MDFI: variants seen among roughly 807,000 people sequenced by gnomAD.
The protein encoded by MDFI is inhibitor of MyoD family a.
In MDFI, 16 loss-of-function variants were observed where a neutral mutation model predicts 22.3. The ratio of observed to expected loss-of-function variants is 0.72; its 90% CI spans 0.49 to 1.09. The LOEUF (loss-of-function observed/expected upper bound fraction) is 1.09. Ranked by LOEUF, MDFI falls within the 50% of genes least tolerant of loss-of-function variation. MDFI has a pLI of 0.00. For synonymous variants in MDFI, 145 were observed against 142.7 expected (o/e 1.02, Z -0.12); for missense variants, 314 against 326.1 (o/e 0.96, Z 0.29).
chr6:41,649,221 C>G (rs1416435581), intron 3 of MDFI, among the ~76,000 whole-genome samples: 1 of 152,252 alleles, frequency 6.6e-6, no homozygotes, highest in Non-Finnish European at 1.5e-5. Context: ...AACTTCTTCA[C>G]TGCTGCGCTC....
At chr6:41,646,407 C>A in intron 3 of MDFI, 99 bp downstream of exon 3, 3 of 1,114,664 alleles carry the variant, frequency 2.7e-6, no homozygotes, top group Non-Finnish European at 3.6e-6. Context: ...ACCCGCTTGG[C>A]CAGAACCTTG....
chr6:41,646,921 T>C (rs937609756), intron 3 of MDFI, among the ~76,000 whole-genome samples: 1 of 152,188 alleles, frequency 6.6e-6, no homozygotes, highest in African/African-American at 2.4e-5. Flanking sequence ...CAGCCTGCAA[T>C]GAGGCAGCAG....
chr6:41,643,576 A>AG (rs1767936196), intron 2 of MDFI, among the ~76,000 whole-genome samples: 1 of 73,436 alleles, frequency 1.4e-5, no homozygotes, highest in Non-Finnish European at 2.5e-5. Flanking sequence ...GAAGGAAGGA[A>AG]GGAGGGAGGG....
Position 41,653,932 on chromosome 6 carries a change from G to A in MDFI, c.*357G>A, listed in dbSNP as rs560286172. On this transcript the variant is annotated 3_prime_UTR_variant, in exon 5 of 5. Coordinates refer to ENST00000230321, the MANE Select transcript of MDFI (RefSeq NM_005586.4). The surrounding 1 kb of genome is among the most constrained non-coding windows in gnomAD (Gnocchi z 4.2). ...ACACTGTGAAAGTTACTTGGGGAGG[G>A]TGGGCCGGTGGGGCCGTAGCTCTCT... 2.8e-5 allele frequency: 9 copies of A among 321,114 alleles called. No individual in the cohort carries two copies. The South Asian group carries it at 3.5e-4, about 12-fold the overall frequency. The allele number at this position is 321,114 out of a possible 1,614,324, so 19.9% of individuals were successfully genotyped here. A position where few individuals can be genotyped will look rare whatever the true frequency, so the allele number is the denominator to read the frequency against.
At chr6:41,646,719 C>T (rs1396063152) in intron 3 of MDFI, among the ~76,000 whole-genome samples, 1 of 152,216 alleles carries the variant, frequency 6.6e-6, no homozygotes, top group Non-Finnish European at 1.5e-5. Flanking sequence ...AATTCAGCTC[C>T]ATTCCCAGGC....
chr6:41,643,576 A>AGGAAGGAGGGAGGGAGGGAGGGAGGGAG (rs1431824421), intron 2 of MDFI, among the ~76,000 whole-genome samples: 1 of 73,412 alleles, frequency 1.4e-5, no homozygotes, highest in African/African-American at 6.6e-5. Flanking sequence ...GAAGGAAGGA[A>AGGAAGGAGGGAGGGAGGGAGGGAGGGAG]GGAGGGAGGG....
At chr6:41,639,094 ACACAAAC>A in intron 2 of MDFI, 3 of 466,886 alleles carry the variant, frequency 6.4e-6, no homozygotes, top group Non-Finnish European at 8.2e-6. Flanking sequence ...ACACACACAC[ACACAAAC>A]ACACACACAT....
At chr6:41,648,189 C>G (rs1356130598) in intron 3 of MDFI, among the ~76,000 whole-genome samples, 1 of 152,154 alleles carries the variant, frequency 6.6e-6, no homozygotes, top group Non-Finnish European at 1.5e-5. Flanking sequence ...CCTCTGCCCC[C>G]ATGCTGGCCT....
intron 2 of MDFI, among the ~76,000 whole-genome samples, chr6:41,641,102 G>A (rs1767837597): frequency 6.6e-6 from 1 of 152,170 alleles, no homozygotes; most frequent in African/African-American, 2.4e-5. Context: ...TGGGGTTCAG[G>A]TCCAGGTGCC....
At chr6:41,640,003 C>A (rs2127425760) in intron 2 of MDFI, 1 of 866,574 alleles carries the variant, frequency 1.2e-6, no homozygotes, top group Non-Finnish European at 1.4e-6. Flanking sequence ...ACAGCCAGCA[C>A]ATAGATGAGG....
chr6:41,648,440 A>G (rs901583667), intron 3 of MDFI, among the ~76,000 whole-genome samples: 1 of 152,190 alleles, frequency 6.6e-6, no homozygotes, highest in African/African-American at 2.4e-5. Flanking sequence ...CAATGTTGTG[A>G]CTGCTGCCAT....
rs940064262 is a variant in MDFI, at chr6:41,653,765, C to T, written c.*190C>T. ...GGGGGGCACTCAGAGGGGCCACCTC[C>T]TCAGCCGTGGGTGGTGGGCCCATGG... On this transcript the variant is annotated 3_prime_UTR_variant, in exon 5 of 5. Coordinates refer to ENST00000230321, the MANE Select transcript of MDFI (RefSeq NM_005586.4). This position sits in a 1 kb window ranked among gnomAD's most constrained non-coding sequence, Gnocchi z 4.2. 434 of 692,270 alleles carry T rather than the reference C, an allele frequency of 6.3e-4. 1 individual carries two copies. The highest frequency in any genetic ancestry group is 3.4e-4 in the Admixed American group (12 of 34,804). 42.9% of individuals were successfully genotyped at this position (692,270 alleles called of 1,614,324 possible).
Position 41,638,813 on chromosome 6 carries a change from G to T in MDFI, c.64G>T (p.Ala22Ser), listed in dbSNP as rs1767732324. ...CDAPYGAPSA[A>S]PGPAQTLSLL... Reference sequence around the variant, plus strand: ...CGCGCCCTATGGAGCCCCCAGCGCAGCCCCGGGCCCAGGTAGGACCGGGAG... The same window carrying T: ...CGCGCCCTATGGAGCCCCCAGCGCATCCCCGGGCCCAGGTAGGACCGGGAG... The change falls in exon 2 of 5, where the codon GCC becomes TCC. Residue 22 changes from alanine to serine, a missense_variant. Ala to Ser is a moderately conservative substitution (Grantham distance 99). Coordinates refer to ENST00000230321, the MANE Select transcript of MDFI (RefSeq NM_005586.4). This position sits in a 1 kb window ranked among gnomAD's most constrained non-coding sequence, Gnocchi z 7.6. 1 of 1,559,900 alleles carries T rather than the reference G, an allele frequency of 6.4e-7. No individual in the cohort carries two copies. The highest frequency in any genetic ancestry group is 8.6e-7 in the Non-Finnish European group (1 of 1,159,130).
Position 41,653,700 on chromosome 6 carries a change from C to A in MDFI, c.*125C>A. 2 of 1,235,056 alleles carry A rather than the reference C, an allele frequency of 1.6e-6. No homozygotes were observed. The highest frequency in any genetic ancestry group is 2.2e-6 in the Non-Finnish European group (2 of 891,224). 76.5% of individuals were successfully genotyped at this position (1,235,056 alleles called of 1,614,324 possible). A position where few individuals can be genotyped will look rare whatever the true frequency, so the allele number is the denominator to read the frequency against. On this transcript the variant is annotated 3_prime_UTR_variant, in exon 5 of 5. Coordinates refer to ENST00000230321, the MANE Select transcript of MDFI (RefSeq NM_005586.4). The surrounding 1 kb of genome is among the most constrained non-coding windows in gnomAD (Gnocchi z 4.2). ...GCCCCCTCTCCCTGGTCCTCTCCTA[C>A]CCACCCATGTCCTCTCAGAACCCCA...
intron 2 of MDFI, chr6:41,639,383 G>A (rs1226333751): frequency 1.0e-6 from 1 of 985,068 alleles, no homozygotes; most frequent in Non-Finnish European, 1.2e-6. Context: ...CCCCTGCCCT[G>A]TGCACACACA....
At chr6:41,637,564 C>T (rs1228413974), upstream of MDFI, among the ~76,000 whole-genome samples, 3 of 152,214 alleles carry the variant, frequency 2.0e-5, no homozygotes, top group East Asian at 3.9e-4. The surrounding 1 kb of genome is among the most constrained non-coding windows in gnomAD (Gnocchi z 6.8). Flanking sequence ...GAGCCGCAGG[C>T]TCCAAAGTCT....
At chr6:41,649,345 G>T (rs930266915) in intron 3 of MDFI, among the ~76,000 whole-genome samples, 8 of 152,220 alleles carry the variant, frequency 5.3e-5, no homozygotes, top group Non-Finnish European at 8.8e-5. Flanking sequence ...CAAAGGAGAG[G>T]TCCAGGGCTC....
chr6:41,640,010 G>A (rs1767790624), intron 2 of MDFI: 1 of 849,446 alleles, frequency 1.2e-6, no homozygotes. Flanking sequence ...GCACATAGAT[G>A]AGGCCAGTGT....
chr6:41,646,423 G>C, intron 3 of MDFI, 115 bp downstream of exon 3: 4 of 857,132 alleles, frequency 4.7e-6, no homozygotes, highest in Non-Finnish European at 4.9e-6. Context: ...CCTTGAGTGT[G>C]GCAGCACAGG....
Sources: gnomAD v4.1 joint callset for allele counts (sites outside exome capture counted in the v4.1 genomes callset) on GRCh38, gnomAD v4.1.1 for gene constraint, Gnocchi (gnomAD v3.1) non-coding constraint, MANE v1.5 for transcripts, NCBI Gene and HGNC (gene_info 2026-07-23, HGNC 2026-07-21) for gene names.